The following USP24 variants were observed in gnomAD, a reference collection of about 807,000 sequenced individuals.
USP24 encodes the protein ubiquitin specific peptidase 24.
A neutral mutation model predicts 361.6 loss-of-function variants in USP24; 97 were observed. The ratio of observed to expected loss-of-function variants is 0.27; its 90% CI spans 0.23 to 0.32. The LOEUF (loss-of-function observed/expected upper bound fraction) is 0.32, where lower values mean the gene tolerates loss of function less well. Ranked by LOEUF, USP24 falls within the 10% of genes least tolerant of loss-of-function variation. The pLI, the probability that USP24 is intolerant of heterozygous loss-of-function variation, is 1.00. For synonymous variants in USP24, 1,098 were observed against 1,124.6 expected (o/e 0.98, Z 0.47); for missense variants, 2,353 against 3,165.6 (o/e 0.74, Z 6.16).
chr1:55,133,247 C>T (rs139926541), intron 30 of USP24, among the ~76,000 whole-genome samples: 9 of 152,184 alleles, frequency 5.9e-5, no homozygotes, highest in African/African-American at 7.2e-5. Flanking sequence ...ATTATAGATA[C>T]GACACAATTT....
chr1:55,077,124 G>T, intron 62 of USP24, 111 bp downstream of exon 62: 1 of 1,050,708 alleles, frequency 9.5e-7, no homozygotes, highest in Non-Finnish European at 1.3e-6. Flanking sequence ...CTCAATAAAT[G>T]CAGACCAAAT....
chr1:55,123,841 G>C (rs1057106905), intron 35 of USP24, among the ~76,000 whole-genome samples: 1 of 152,186 alleles, frequency 6.6e-6, no homozygotes, highest in Non-Finnish European at 1.5e-5. Context: ...TCAGGCGATA[G>C]AAGTGAAAAT....
intron 47 of USP24, 109 bp downstream of exon 47, chr1:55,097,834 A>T: frequency 6.6e-7 from 1 of 1,509,650 alleles, no homozygotes; most frequent in Non-Finnish European, 8.8e-7. Flanking sequence ...GTAATGACAC[A>T]ATCTAATGGA....
chr1:55,082,814 C>CA (rs1369951062), intron 58 of USP24, among the ~76,000 whole-genome samples: 1 of 152,044 alleles, frequency 6.6e-6, no homozygotes, highest in Non-Finnish European at 1.5e-5. Flanking sequence ...AGACAACAAA[C>CA]AAAAAAACCC....
intron 1 of USP24, among the ~76,000 whole-genome samples, chr1:55,178,696 T>G (rs1650250336): frequency 8.2e-6 from 1 of 121,216 alleles, no homozygotes; most frequent in Non-Finnish European, 1.6e-5. Context: ...AATAAATAAA[T>G]AAATAAATAA....
At chr1:55,185,535 G>A (rs1644105598) in intron 1 of USP24, among the ~76,000 whole-genome samples, 1 of 151,886 alleles carries the variant, frequency 6.6e-6, no homozygotes, top group Non-Finnish European at 1.5e-5. Context: ...TTAATAATAA[G>A]AATGAAAGAA....
chr1:55,161,640 G>A (rs555199624), intron 8 of USP24, among the ~76,000 whole-genome samples: 4 of 152,140 alleles, frequency 2.6e-5, no homozygotes, highest in South Asian at 2.1e-4. Context: ...CATTTTGTTC[G>A]GTAAAACTTG....
rs770624443 is a variant in USP24 at position 55,078,619 on chromosome 1, C to T, written c.7233G>A (p.Ser2411=). 27 of 1,610,324 alleles carry T rather than the reference C, an allele frequency of 1.7e-5. No homozygotes were observed. Among genetic ancestry groups the T allele is most frequent in the East Asian group, 6.7e-5 (3 of 44,792 alleles). ...VMFALRELTG[S]LLALIEMVVY... ...CTACCATCTCAATGAGTGCCAAGAG[C>T]GAGCCTGTCAGCTCCCGCAAAGCAA... The change falls in exon 61 of 68, where the codon TCG becomes TCA. Residue 2411 remains serine (S), a synonymous_variant. Coordinates refer to ENST00000294383, the MANE Select transcript of USP24 (RefSeq NM_015306.3).
At chr1:55,116,431 AAC>A (rs1201758040) in intron 38 of USP24, among the ~76,000 whole-genome samples, 1 of 152,062 alleles carries the variant, frequency 6.6e-6, no homozygotes, top group East Asian at 1.9e-4. Flanking sequence ...TAGGTAGACT[AAC>A]ACAAAAAAGG....
chr1:55,209,975 C>T (rs530189513), intron 1 of USP24, among the ~76,000 whole-genome samples: 2 of 152,160 alleles, frequency 1.3e-5, no homozygotes, highest in East Asian at 3.9e-4. Flanking sequence ...AATGTTGAAA[C>T]CTTTTCCTCA....
intron 42 of USP24, among the ~76,000 whole-genome samples, chr1:55,102,577 G>T (rs1460178562): frequency 8.6e-5 from 13 of 151,994 alleles, no homozygotes. Flanking sequence ...TAGATCTCAA[G>T]GAATTCCTAA....
Position 55,067,509 on chromosome 1 carries a change from T to G in USP24, c.*1536A>C, listed in dbSNP as rs925424347. ...AGCAAGTCACAGAATAACAATGAAG[T>G]CTGACAGCACAGAAACCCTCACTGC... On this transcript the variant is annotated 3_prime_UTR_variant, in exon 68 of 68. Coordinates refer to ENST00000294383, the MANE Select transcript of USP24 (RefSeq NM_015306.3). The G allele has an allele frequency of 6.6e-6, 1 of 152,224 alleles. No individual in the cohort carries two copies. The highest frequency in any genetic ancestry group is 2.4e-5 in the African/African-American group (1 of 41,438). 9.4% of individuals were successfully genotyped at this position (152,224 alleles called of 1,614,324 possible). A position where few individuals can be genotyped will look rare whatever the true frequency, so the allele number is the denominator to read the frequency against.
chr1:55,070,825 G>A (rs1307565793), intron 67 of USP24, among the ~76,000 whole-genome samples: 4 of 152,120 alleles, frequency 2.6e-5, no homozygotes, highest in Admixed American at 6.5e-5. Context: ...ACATTAGAAC[G>A]CAAAGCTCTG....
chr1:55,109,944 C>A (rs565554154), intron 39 of USP24, among the ~76,000 whole-genome samples: 1 of 152,252 alleles, frequency 6.6e-6, no homozygotes, highest in South Asian at 2.1e-4. Flanking sequence ...AAAATATGAG[C>A]CTTTGACAAT....
chr1:55,079,754 C>A, intron 59 of USP24, 95 bp from the exon 60 acceptor site: 1 of 1,191,618 alleles, frequency 8.4e-7, no homozygotes, highest in Admixed American at 3.3e-5. Context: ...CTTCAAGACT[C>A]GCACACACAC....
At chr1:55,100,492 G>A (rs1479529236) in intron 44 of USP24, among the ~76,000 whole-genome samples, 11 of 145,814 alleles carry the variant, frequency 7.5e-5, no homozygotes, top group South Asian at 6.5e-4. Flanking sequence ...GCGAAACTCC[G>A]TCTCAAAAAA....
intron 30 of USP24, among the ~76,000 whole-genome samples, 192 bp from the exon 31 acceptor site, chr1:55,132,892 C>A (rs1325535956): frequency 6.6e-6 from 1 of 152,192 alleles, no homozygotes; most frequent in Non-Finnish European, 1.5e-5. Flanking sequence ...CATACAAATT[C>A]TAAATGTTCA....
At chr1:55,142,925 CAT>C in intron 22 of USP24, 52 bp downstream of exon 22, 1 of 1,439,320 alleles carries the variant, frequency 6.9e-7, no homozygotes, top group Non-Finnish European at 9.3e-7. Flanking sequence ...CTAAAATATA[CAT>C]ATAATTTTCT....
intron 5 of USP24, among the ~76,000 whole-genome samples, chr1:55,167,416 C>T (rs1052306486): frequency 2.6e-4 from 40 of 152,056 alleles, no homozygotes; most frequent in African/African-American, 5.6e-4. Flanking sequence ...AGCTGGGACA[C>T]GGTGAGCCAG....
Sources: allele counts gnomAD v4.1 joint callset (sites outside exome capture counted in the v4.1 genomes callset), GRCh38; gene constraint gnomAD v4.1.1; transcripts MANE v1.5; gene names NCBI Gene and HGNC (gene_info 2026-07-23, HGNC 2026-07-21).